Variants in RFT1 observed in about 807,000 individuals in gnomAD.
RFT1 encodes the protein RFT1 glycolipid translocator homolog.
In RFT1, 43 loss-of-function variants were observed where a neutral mutation model predicts 62.2. The ratio of observed to expected loss-of-function variants is 0.69; its 90% CI spans 0.54 to 0.89. The LOEUF is 0.89. Among genes scored for constraint, RFT1 ranks in the 40% least tolerant of loss-of-function variants. RFT1 has a pLI of 0.00. For synonymous variants in RFT1, 262 were observed against 264.6 expected, an observed-to-expected ratio of 0.99 and a Z score of 0.10; for missense variants, 605 against 649.9, an observed-to-expected ratio of 0.93 and a Z score of 0.75.
At chr3:53,124,985 AAAGAAGAAGAAGGTG>A (rs1386944401) in intron 2 of RFT1, among the ~76,000 whole-genome samples, 1 of 152,200 alleles carries the variant, frequency 6.6e-6, no homozygotes, top group East Asian at 1.9e-4. Context: ...AAAAAAAGAA[AAAGAAGAAGAAGGTG>A]AAGAAGAGGA....
At chr3:53,083,200 CAAA>C in the RFT1 span, among the ~76,000 whole-genome samples, 2 of 39,396 alleles carry the variant, frequency 5.1e-5, no homozygotes, top group Middle Eastern at 0.023. Context: ...GATTCCATCT[CAAA>C]AAAAAAAAAA....
intron 8 of RFT1, 68 bp from the exon 9 acceptor site, chr3:53,105,871 A>G: frequency 7.6e-7 from 1 of 1,309,702 alleles, no homozygotes; most frequent in Non-Finnish European, 1.1e-6. Context: ...TAGCACTATT[A>G]AAATTATTTA....
the RFT1 span, among the ~76,000 whole-genome samples, chr3:53,075,558 T>A: frequency 1.3e-5 from 2 of 152,186 alleles, no homozygotes; most frequent in Non-Finnish European, 2.9e-5. Flanking sequence ...CGACAATGCA[T>A]AGTCCTCTCC....
chr3:53,126,724 T>C (rs1316551436), intron 1 of RFT1, among the ~76,000 whole-genome samples: 2 of 152,136 alleles, frequency 1.3e-5, no homozygotes, highest in Non-Finnish European at 2.9e-5. Context: ...AAGAAAACCA[T>C]CTAAGCAAAG....
chr3:53,121,853 T>C, intron 4 of RFT1, 53 bp from the exon 5 acceptor site: 2 of 1,425,338 alleles, frequency 1.4e-6, no homozygotes, highest in Middle Eastern at 1.7e-4. Context: ...AAAGTCAAGA[T>C]GTAATGGAAT....
chr3:53,085,239 A>T (rs559111737), downstream of RFT1, among the ~76,000 whole-genome samples: 2 of 152,160 alleles, frequency 1.3e-5, no homozygotes, highest in South Asian at 2.1e-4. Context: ...AATGAGAATC[A>T]CCCCACGGTG....
chr3:53,105,077 G>C (rs1438372979), intron 9 of RFT1, among the ~76,000 whole-genome samples: 1 of 152,234 alleles, frequency 6.6e-6, no homozygotes, highest in African/African-American at 2.4e-5. Context: ...CATCTGCAGG[G>C]CAATGGGGAC....
chr3:53,098,598 CGAG>C (rs1478022167), intron 11 of RFT1, among the ~76,000 whole-genome samples: 3 of 151,938 alleles, frequency 2.0e-5, no homozygotes, highest in Non-Finnish European at 4.4e-5. Flanking sequence ...GTCAGGAGAT[CGAG>C]ACCAACCTGG....
chr3:53,122,595 T>C, intron 3 of RFT1, 32 bp from the exon 4 acceptor site: 5 of 1,391,934 alleles, frequency 3.6e-6, no homozygotes, highest in Non-Finnish European at 4.8e-6. Context: ...ATTCACTAAA[T>C]TTTAAAATAA....
the RFT1 span, among the ~76,000 whole-genome samples, chr3:53,070,406 T>TTTTG: frequency 2.9e-5 from 4 of 139,106 alleles, no homozygotes. Flanking sequence ...TTTTTTTTTT[T>TTTTG]TTTTTTTTTT....
At chr3:53,108,112 G>A (rs1446897353) in intron 7 of RFT1, among the ~76,000 whole-genome samples, 2 of 152,226 alleles carry the variant, frequency 1.3e-5, no homozygotes, top group Middle Eastern at 3.4e-3. Flanking sequence ...GCAGTGGCGC[G>A]ATCTCAGCTC....
At chr3:53,124,881 A>G (rs1256461636) in intron 2 of RFT1, among the ~76,000 whole-genome samples, 2 of 152,124 alleles carry the variant, frequency 1.3e-5, no homozygotes, top group Non-Finnish European at 2.9e-5. Flanking sequence ...CTCATACGGG[A>G]GCATCGCTTG....
chr3:53,098,633 T>G (rs992127827), intron 11 of RFT1, among the ~76,000 whole-genome samples: 1 of 151,590 alleles, frequency 6.6e-6, no homozygotes, highest in Non-Finnish European at 1.5e-5. Flanking sequence ...AAACCCCATC[T>G]CTACTAAAAA....
In RFT1 at chr3:53,123,726, T is replaced by C. The variant is rs751934184; in HGVS notation, c.264A>G (p.Leu88=). The C allele has an allele frequency of 6.2e-6, 10 of 1,612,464 alleles. No individual in the cohort carries two copies. The Admixed American group carries it at 1.7e-4, about 27-fold the overall frequency. ...TCTCCTGCCAAAGCACAACTCACGT[T>C]AGCCACAGCAGGTTGAGGGTCTGGC... is the stretch of plus-strand genomic sequence containing the variant. ...DWSQTLNLLW[L]TVPLGVFWSL... Residue 88 remains leucine (L), a splice_region_variant and synonymous_variant, in exon 3 of 13, where the codon CTA becomes CTG. Coordinates refer to ENST00000296292, the MANE Select transcript of RFT1 (RefSeq NM_052859.4).
chr3:53,088,221 A>G (rs1700900074), downstream of RFT1, among the ~76,000 whole-genome samples: 1 of 152,222 alleles, frequency 6.6e-6, no homozygotes, highest in South Asian at 2.1e-4. Flanking sequence ...AAACAACGGG[A>G]AATACAGCTT....
At chr3:53,103,828 G>T in intron 10 of RFT1, 125 bp downstream of exon 10, 1 of 1,207,944 alleles carries the variant, frequency 8.3e-7, no homozygotes, top group Non-Finnish European at 1.2e-6. Flanking sequence ...CACAGCCCCT[G>T]CCACCAGACA....
the RFT1 span, among the ~76,000 whole-genome samples, chr3:53,067,517 AG>A: frequency 4.7e-4 from 72 of 152,310 alleles, 2 homozygotes; most frequent in South Asian, 0.015. Context: ...TTGGCGGGGA[AG>A]GGGCACAAGG....
chr3:53,127,705 G>A (rs1453192985), intron 1 of RFT1, among the ~76,000 whole-genome samples: 1 of 151,640 alleles, frequency 6.6e-6, no homozygotes, highest in African/African-American at 2.4e-5. Flanking sequence ...AGGCTGAAAG[G>A]TAGGAGGATC....
intron 2 of RFT1, among the ~76,000 whole-genome samples, chr3:53,124,130 T>A (rs1011422854): frequency 6.6e-6 from 1 of 152,220 alleles, no homozygotes; most frequent in African/African-American, 2.4e-5. Flanking sequence ...GGCAGAGGTG[T>A]GGCCATGACC....
Sources: allele counts gnomAD v4.1 joint callset (sites outside exome capture counted in the v4.1 genomes callset), GRCh38; gene constraint gnomAD v4.1.1; transcripts MANE v1.5; gene names NCBI Gene and HGNC (gene_info 2026-07-23, HGNC 2026-07-21).